Variants in SLC25A53 observed in about 807,000 individuals in gnomAD.
SLC25A53 encodes mitochondrial carrier triple repeat protein 6.
In SLC25A53, 5 loss-of-function variants were observed where a neutral mutation model predicts 15.0. The ratio of observed to expected loss-of-function variants is 0.33; its 90% confidence interval spans 0.17 to 0.70. The LOEUF (loss-of-function observed/expected upper bound fraction) is 0.70. Ranked by LOEUF, SLC25A53 falls within the 30% of genes least tolerant of loss-of-function variation. The pLI is 0.67. For synonymous variants in SLC25A53, 95 were observed against 100.0 expected, an observed-to-expected ratio of 0.95 and a Z score of 0.30; for missense variants, 216 against 241.6, an observed-to-expected ratio of 0.89 and a Z score of 0.70.
intron 1 of SLC25A53, among the ~76,000 whole-genome samples, chrX:104,148,827 TATA>T (rs1428893257): frequency 6.2e-5 from 7 of 112,048 alleles, no homozygotes; most frequent in South Asian, 3.7e-4. Context: ...GTACTTAAAG[TATA>T]ATAACAAAAA....
intron 1 of SLC25A53, among the ~76,000 whole-genome samples, chrX:104,119,977 A>G (rs782364198): frequency 8.9e-6 from 1 of 112,107 alleles, no homozygotes; most frequent in African/African-American, 3.2e-5. Flanking sequence ...ACTATAATGC[A>G]TATATCCTTC....
Position 104,127,721 on chromosome X carries a change from T to C in SLC25A53, c.-31-22433A>G, listed in dbSNP as rs1451386477. The stretch of plus-strand genomic sequence containing the variant: ...GCTCACGCCTGTAATCCCAGCACTT[T>C]AGGAGGCCAAGGTGGGCAGATAACT... On this transcript the variant is annotated intron_variant, in intron 1 of 1. Transcript: ENST00000594199. 3.6e-5 allele frequency among the ~76,000 whole-genome samples: 4 copies of C among 111,882 alleles called. 1 individual carries two copies. The highest frequency in any genetic ancestry group is 1.3e-4 in the African/African-American group (4 of 30,763).
chrX:104,114,078 C>G (rs782619703), intron 1 of SLC25A53: 1 of 1,209,450 alleles, frequency 8.3e-7, no homozygotes, highest in East Asian at 3.0e-5. Context: ...GCGCGAGCAT[C>G]TTGTTGTATT....
chrX:104,103,770 T>C lies in SLC25A53; in HGVS notation c.*564A>G, dbSNP rs2075292274. 1 of 113,213 alleles carries C rather than the reference T, an allele frequency of 8.8e-6. No homozygotes were observed. Among genetic ancestry groups the C allele is most frequent in the Non-Finnish European group, 1.9e-5 (1 of 53,968 alleles). The allele number at this position is 113,213 out of a possible 1,213,427, so 9.3% of individuals were successfully genotyped here. A position where few individuals can be genotyped will look rare whatever the true frequency, so the allele number is the denominator to read the frequency against. Reference sequence around the variant, plus strand: ...GTTCTTGTGGCACCTGACGAGTTCATGCAAGCCTAATTTAGGATTTCCAGC... The same window carrying C: ...GTTCTTGTGGCACCTGACGAGTTCACGCAAGCCTAATTTAGGATTTCCAGC... On this transcript the variant is annotated 3_prime_UTR_variant, in exon 2 of 2. Transcript: ENST00000594199.
chrX:104,135,293 G>T (rs782128134), intron 1 of SLC25A53, among the ~76,000 whole-genome samples: 16 of 110,235 alleles, frequency 1.5e-4, no homozygotes, highest in Non-Finnish European at 3.0e-4. Context: ...TCCACCGACA[G>T]CTTCATGATC....
At chrX:104,119,953 T>G (rs193252101) in intron 1 of SLC25A53, among the ~76,000 whole-genome samples, 1 of 111,754 alleles carries the variant, frequency 8.9e-6, no homozygotes, top group African/African-American at 3.2e-5. Context: ...TTTCTGGAGC[T>G]TTATGTAAAT....
chrX:104,111,701 A>G (rs782266450), intron 1 of SLC25A53, among the ~76,000 whole-genome samples: 3 of 110,127 alleles, frequency 2.7e-5, no homozygotes, highest in South Asian at 7.9e-4. Context: ...GTGCAAAAAT[A>G]CTCTCCAGGC....
In SLC25A53 at chrX:104,135,586, G is replaced by A. The variant is rs146576361; in HGVS notation, c.-32+21292C>T. Among the ~76,000 whole-genome samples the A allele has an allele frequency of 2.4e-3, 267 of 110,535 alleles. 1 individual carries two copies. The highest frequency in any genetic ancestry group is 0.014 in the Middle Eastern group (3 of 213). ...CTCCATACTCACTGCCATTGCCCTC[G>A]TTCTGGCCTAAATCCCCTCTAGCAC... On this transcript the variant is annotated intron_variant, in intron 1 of 1. Transcript: ENST00000594199.
chrX:104,117,901 G>T (rs906154479), intron 1 of SLC25A53, among the ~76,000 whole-genome samples: 9 of 112,096 alleles, frequency 8.0e-5, no homozygotes, highest in Admixed American at 1.9e-4. Context: ...CTTTTCACTG[G>T]AGTTAGCTTG....
chrX:104,105,096 C>T lies in SLC25A53; in HGVS notation c.162G>A (p.Arg54=). ...LTFPIYKVVF[R]QQIHAMAVSE... Reference sequence around the variant, plus strand: ...ACACTGCCATGGCATGGATCTGTTGCCGGAACACAACCTTATAGATAGGAA... The same window carrying T: ...ACACTGCCATGGCATGGATCTGTTGTCGGAACACAACCTTATAGATAGGAA... Residue 54 remains arginine (R), a synonymous_variant, in exon 2 of 2, where the codon CGG becomes CGA. Coordinates refer to ENST00000594199, the MANE Select transcript of SLC25A53 (RefSeq NM_001012755.5). 8.2e-7 allele frequency: 1 copy of T among 1,212,125 alleles called. No homozygotes were observed. Among genetic ancestry groups the T allele is most frequent in the South Asian group, 1.8e-5 (1 of 56,983 alleles).
At chrX:104,110,540 G>A (rs1556357935) in intron 1 of SLC25A53, among the ~76,000 whole-genome samples, 1 of 112,387 alleles carries the variant, frequency 8.9e-6, no homozygotes, top group Non-Finnish European at 1.9e-5. Flanking sequence ...CAGCGGAAGG[G>A]CATCAGACTG....
At chrX:104,149,288 A>C (rs782448569) in intron 1 of SLC25A53, among the ~76,000 whole-genome samples, 13 of 112,870 alleles carry the variant, frequency 1.2e-4, no homozygotes, top group Non-Finnish European at 2.1e-4. Context: ...TAGTGGCATT[A>C]AACAACCATT....
intron 1 of SLC25A53, among the ~76,000 whole-genome samples, chrX:104,130,170 G>T (rs2075422212): frequency 9.0e-6 from 1 of 110,868 alleles, no homozygotes; most frequent in Non-Finnish European, 1.9e-5. Context: ...CTTCTGGGGA[G>T]TACTAATCCA....
At chrX:104,120,704 C>T (rs1444516918) in intron 1 of SLC25A53, among the ~76,000 whole-genome samples, 1 of 111,722 alleles carries the variant, frequency 9.0e-6, no homozygotes, top group African/African-American at 3.2e-5. Flanking sequence ...CGACTGGGAC[C>T]TAGAGTACAA....
chrX:104,147,807 G>T (rs1384700986), intron 1 of SLC25A53, among the ~76,000 whole-genome samples: 8 of 109,981 alleles, frequency 7.3e-5, no homozygotes, highest in African/African-American at 2.3e-4. Flanking sequence ...AACAACAGGT[G>T]CTGGAGAGGA....
intron 1 of SLC25A53, among the ~76,000 whole-genome samples, chrX:104,145,448 A>G (rs1401951435): frequency 1.8e-5 from 2 of 111,493 alleles, no homozygotes; most frequent in Non-Finnish European, 3.8e-5. Context: ...AAGACAAGAA[A>G]TAACTAAGAT....
At chrX:104,140,005 ATAAAG>A (rs1232339521) in intron 1 of SLC25A53, among the ~76,000 whole-genome samples, 8 of 112,942 alleles carry the variant, frequency 7.1e-5, no homozygotes, top group Middle Eastern at 4.6e-3. Flanking sequence ...GACCAAAGAG[ATAAAG>A]TAAGTTTCCC....
chrX:104,114,277 C>G (rs2075364810), intron 1 of SLC25A53: 1 of 1,208,327 alleles, frequency 8.3e-7, no homozygotes, highest in Non-Finnish European at 1.1e-6. Context: ...GGTGCCAGCC[C>G]AGGGGAAAGA....
At chrX:104,117,912 G>C (rs1182198795) in intron 1 of SLC25A53, among the ~76,000 whole-genome samples, 22 of 111,929 alleles carry the variant, frequency 2.0e-4, no homozygotes, top group African/African-American at 7.2e-4. Context: ...AGTTAGCTTG[G>C]AGGTTCAAGA....
Sources: allele counts gnomAD v4.1 joint callset (sites outside exome capture counted in the v4.1 genomes callset), GRCh38; gene constraint gnomAD v4.1.1; transcripts MANE v1.5; gene names NCBI Gene and HGNC (gene_info 2026-07-23, HGNC 2026-07-21).